CHLSN: variants seen among roughly 807,000 people sequenced by gnomAD.
The protein encoded by CHLSN is protein cholesin.
the CHLSN span, among the ~76,000 whole-genome samples, chr7:1,061,310 C>T: frequency 1.4e-4 from 21 of 152,094 alleles, no homozygotes; most frequent in Non-Finnish European, 1.6e-4. Flanking sequence ...GCTGTTTGTT[C>T]CTGGTGGGCC....
the CHLSN span, among the ~76,000 whole-genome samples, chr7:1,101,622 C>G: frequency 6.6e-6 from 1 of 152,252 alleles, no homozygotes; most frequent in Non-Finnish European, 1.5e-5. Context: ...CGCAGCCGCC[C>G]AGGTTCCTTG....
chr7:1,059,540 G>C, the CHLSN span, among the ~76,000 whole-genome samples: 3 of 149,964 alleles, frequency 2.0e-5, no homozygotes, highest in Non-Finnish European at 4.4e-5. Flanking sequence ...TCTTAGTGAG[G>C]TGGGTCTTAG....
the CHLSN span, among the ~76,000 whole-genome samples, chr7:1,136,493 C>CATATAAATATATATAAACAT: frequency 5.0e-5 from 5 of 100,158 alleles, no homozygotes; most frequent in Non-Finnish European, 9.0e-5. Flanking sequence ...CATATATAAA[C>CATATAAATATATATAAACAT]ATATAAATAT....
At chr7:1,062,046 C>T in the CHLSN span, among the ~76,000 whole-genome samples, 184 of 152,340 alleles carry the variant, frequency 1.2e-3, no homozygotes, top group African/African-American at 3.7e-3. Context: ...CACCAGGATG[C>T]GAGTTTTTCA....
At chr7:1,049,858 C>T in the CHLSN span, among the ~76,000 whole-genome samples, 1 of 152,194 alleles carries the variant, frequency 6.6e-6, no homozygotes, top group African/African-American at 2.4e-5. Flanking sequence ...AGGTCCCGTG[C>T]GAGGAGCCCT....
the CHLSN span, among the ~76,000 whole-genome samples, chr7:1,070,550 ACG>A: frequency 4.8e-5 from 7 of 145,056 alleles, no homozygotes; most frequent in Non-Finnish European, 9.4e-5. Context: ...ACAGGGACAC[ACG>A]CACACACGTG....
the CHLSN span, among the ~76,000 whole-genome samples, chr7:1,085,888 C>T: frequency 6.6e-6 from 1 of 152,048 alleles, no homozygotes; most frequent in Non-Finnish European, 1.5e-5. Context: ...TACAAATAGT[C>T]CACGAGATTC....
chr7:1,070,390 T>C, the CHLSN span, among the ~76,000 whole-genome samples: 1 of 122,804 alleles, frequency 8.1e-6, no homozygotes, highest in Admixed American at 7.9e-5. Context: ...AGCCGCCCCG[T>C]CCGGGAGGTG....
the CHLSN span, chr7:1,057,754 C>T: frequency 3.9e-6 from 3 of 775,692 alleles, no homozygotes; most frequent in Non-Finnish European, 7.2e-6. Context: ...AGCGCCCTGG[C>T]CCCTGTGCAC....
At chr7:1,020,488 T>G in the CHLSN span, among the ~76,000 whole-genome samples, 1 of 152,120 alleles carries the variant, frequency 6.6e-6, no homozygotes, top group Non-Finnish European at 1.5e-5. Context: ...CGCCCCCACC[T>G]GGAGCCCCCA....
chr7:1,028,211 A>T, the CHLSN span: 1 of 1,032,810 alleles, frequency 9.7e-7, no homozygotes, highest in Non-Finnish European at 1.2e-6. Flanking sequence ...GGCCCCTCCC[A>T]TCCCCTCCCT....
At chr7:979,243 C>T in the CHLSN span, among the ~76,000 whole-genome samples, 2 of 152,132 alleles carry the variant, frequency 1.3e-5, no homozygotes, top group Non-Finnish European at 2.9e-5. Context: ...AGTTTCAGTT[C>T]GACTGCTCCA....
the CHLSN span, among the ~76,000 whole-genome samples, chr7:1,071,871 A>T: frequency 6.6e-6 from 1 of 152,206 alleles, no homozygotes; most frequent in African/African-American, 2.4e-5. Context: ...AGGACACCTT[A>T]GAAGGAGGGC....
chr7:1,065,636 G>A, the CHLSN span, among the ~76,000 whole-genome samples: 3 of 152,214 alleles, frequency 2.0e-5, no homozygotes, highest in African/African-American at 4.8e-5. Flanking sequence ...ACACAGCGGC[G>A]ACGAGGGCCG....
chr7:1,083,950 A>G, the CHLSN span, among the ~76,000 whole-genome samples: 1 of 152,216 alleles, frequency 6.6e-6, no homozygotes, highest in Non-Finnish European at 1.5e-5. Context: ...CTGAAGGAAC[A>G]AGAGAGACGA....
chr7:1,081,249 C>T, the CHLSN span, among the ~76,000 whole-genome samples: 1 of 152,216 alleles, frequency 6.6e-6, no homozygotes, highest in South Asian at 2.1e-4. Context: ...TAAGCACACC[C>T]AGCCCCGCTC....
chr7:1,136,011 T>A, the CHLSN span, among the ~76,000 whole-genome samples: 1 of 119,844 alleles, frequency 8.3e-6, no homozygotes, highest in Non-Finnish European at 1.6e-5. Context: ...ATATATAAAA[T>A]ATATATGTAT....
the CHLSN span, among the ~76,000 whole-genome samples, chr7:1,094,565 T>A: frequency 6.6e-6 from 1 of 152,248 alleles, no homozygotes; most frequent in Admixed American, 6.5e-5. Flanking sequence ...CGCAGCCATG[T>A]TGAGTCCAGG....
At chr7:1,099,252 A>G in the CHLSN span, among the ~76,000 whole-genome samples, 1 of 150,902 alleles carries the variant, frequency 6.6e-6, no homozygotes, top group East Asian at 1.9e-4. Flanking sequence ...GCGTTCCTGC[A>G]GCGGCCTCCC....
Sources: allele counts gnomAD v4.1 joint callset (sites outside exome capture counted in the v4.1 genomes callset), GRCh38; gene constraint gnomAD v4.1.1; transcripts MANE v1.5; gene names NCBI Gene and HGNC (gene_info 2026-07-23, HGNC 2026-07-21).